Variants in RPTOR observed in about 807,000 individuals in gnomAD.
The protein encoded by RPTOR is regulatory-associated protein of mTOR.
Under a neutral mutation model 169.9 loss-of-function variants are expected in RPTOR, and 21 were observed. That is an observed-to-expected ratio of 0.12 (90% CI 0.09 to 0.18). The LOEUF (loss-of-function observed/expected upper bound fraction) is 0.18, where lower values mean the gene tolerates loss of function less well. Among genes scored for constraint, RPTOR ranks in the 10% least tolerant of loss-of-function variants. The probability of loss-of-function intolerance (pLI) is 1.00; values close to 1 mark genes in which losing one functional copy is unlikely to be tolerated. For missense variants in RPTOR, 1,133 were observed against 1,855.9 expected, an observed-to-expected ratio of 0.61 and a Z score of 7.16; for synonymous variants, 732 against 753.2, an observed-to-expected ratio of 0.97 and a Z score of 0.46.
At chr17:80,841,171 A>T (rs1343312336) in intron 10 of RPTOR, among the ~76,000 whole-genome samples, 1 of 111,012 alleles carries the variant, frequency 9.0e-6, no homozygotes, top group Non-Finnish European at 1.8e-5. Context: ...GCTCACTCTC[A>T]CCGCACGGCA....
chr17:80,635,366 A>C (rs2065497940), intron 2 of RPTOR, among the ~76,000 whole-genome samples: 1 of 152,022 alleles, frequency 6.6e-6, no homozygotes, highest in Non-Finnish European at 1.5e-5. Flanking sequence ...GCCCAGACCC[A>C]CCTTGTGGCT....
At chr17:80,567,011 C>T (rs1159463798) in intron 1 of RPTOR, among the ~76,000 whole-genome samples, 5 of 151,950 alleles carry the variant, frequency 3.3e-5, no homozygotes, top group East Asian at 1.9e-4. Flanking sequence ...CACTCCATCA[C>T]CCAGGCTGGA....
chr17:80,841,852 C>T (rs540584902), intron 10 of RPTOR, among the ~76,000 whole-genome samples: 47 of 132,912 alleles, frequency 3.5e-4, no homozygotes, highest in Non-Finnish European at 6.5e-4. Context: ...TCACACTCAC[C>T]GCACGGCAGC....
intron 2 of RPTOR, among the ~76,000 whole-genome samples, chr17:80,636,739 G>A (rs910447933): frequency 6.6e-6 from 1 of 151,816 alleles, no homozygotes; most frequent in Non-Finnish European, 1.5e-5. Flanking sequence ...CCCCAGTACC[G>A]CCACTCCAGA....
chr17:80,685,627 A>ATATATATTTT (rs1269766086), intron 3 of RPTOR, among the ~76,000 whole-genome samples: 1 of 30,686 alleles, frequency 3.3e-5, no homozygotes, highest in Non-Finnish European at 5.4e-5. Context: ...ATATATATAT[A>ATATATATTTT]TTTTTTTTTT....
At chr17:80,699,188 G>A (rs552034160) in intron 3 of RPTOR, among the ~76,000 whole-genome samples, 27 of 152,346 alleles carry the variant, frequency 1.8e-4, no homozygotes, top group Admixed American at 1.3e-3. Context: ...GAAGCTCATC[G>A]GGCTGTGTAA....
chr17:80,656,816 C>T (rs2065683143), intron 3 of RPTOR, among the ~76,000 whole-genome samples: 1 of 152,194 alleles, frequency 6.6e-6, no homozygotes, highest in Non-Finnish European at 1.5e-5. Context: ...AAGTGTTAAT[C>T]ACCCTCTAGT....
Position 80,965,626 on chromosome 17 carries a change from TGA to T in RPTOR, c.*1300_*1301del, listed in dbSNP as rs1568016986. The T allele has an allele frequency of 4.3e-6, 1 of 232,972 alleles. No homozygotes were observed. Among genetic ancestry groups the T allele is most frequent in the African/African-American group, 2.2e-5 (1 of 45,266 alleles). The allele number at this position is 232,972 out of a possible 1,614,324, so 14.4% of individuals were successfully genotyped here. A position where few individuals can be genotyped will look rare whatever the true frequency, so the allele number is the denominator to read the frequency against. On this transcript the variant is annotated 3_prime_UTR_variant, in exon 34 of 34. Transcript: ENST00000306801. ...GGTGAGAGGCCCACGACCACGGGAGTGAGAGCTGGTGTGGCGAGGCCCGGCTC... is the reference window on the plus strand; with the variant it reads ...GGTGAGAGGCCCACGACCACGGGAGTGAGCTGGTGTGGCGAGGCCCGGCTC...
At chr17:80,781,120 G>A (rs970224471) in intron 6 of RPTOR, among the ~76,000 whole-genome samples, 4 of 152,160 alleles carry the variant, frequency 2.6e-5, no homozygotes, top group African/African-American at 9.7e-5. Flanking sequence ...ACATCTAAGC[G>A]GGGAGGGTGA....
At position 80,823,391 on chromosome 17, in the gene RPTOR, G is replaced by C; in HGVS notation, c.1136+168G>C. 1.2e-6 allele frequency: 1 copy of C among 818,408 alleles called. No individual in the cohort carries two copies. The highest frequency in any genetic ancestry group is 1.8e-6 in the Non-Finnish European group (1 of 543,696). The allele number at this position is 818,408 out of a possible 1,614,324, so 50.7% of individuals were successfully genotyped here. ...CAGGGCTCCCAGAGATCTCCACACA[G>C]AGGAGTGGGGGTCTCCTTCAGAGGG... On this transcript the variant is annotated intron_variant, in intron 9 of 33. Coordinates refer to ENST00000306801, the MANE Select transcript of RPTOR (RefSeq NM_020761.3). This position sits in a 1 kb window ranked among gnomAD's most constrained non-coding sequence, Gnocchi z 4.5.
At chr17:80,701,800 T>G (rs1369303336) in intron 3 of RPTOR, among the ~76,000 whole-genome samples, 1 of 152,222 alleles carries the variant, frequency 6.6e-6, no homozygotes, top group Non-Finnish European at 1.5e-5. Flanking sequence ...CAGATGTCTA[T>G]GTCCAGCCTG....
At chr17:80,706,078 T>C (rs1289590893) in intron 3 of RPTOR, among the ~76,000 whole-genome samples, 3 of 152,204 alleles carry the variant, frequency 2.0e-5, no homozygotes. Flanking sequence ...AAAGAAAGTT[T>C]TAAAAGTTTA....
chr17:80,704,337 C>A (rs2315924), intron 3 of RPTOR, among the ~76,000 whole-genome samples: 40,374 of 152,070 alleles, frequency 0.27, 7,412 homozygotes, highest in African/African-American at 0.53. Flanking sequence ...GATCAGCCAA[C>A]ATTCAGGTAT....
intron 6 of RPTOR, among the ~76,000 whole-genome samples, chr17:80,760,299 T>TC (rs1265790972): frequency 3.8e-5 from 3 of 79,680 alleles, no homozygotes; most frequent in Non-Finnish European, 5.5e-5. Context: ...CTTTCTTTTT[T>TC]CTTTTTTCTT....
chr17:80,858,320 A>G (rs2067878689), intron 13 of RPTOR, among the ~76,000 whole-genome samples: 1 of 151,928 alleles, frequency 6.6e-6, no homozygotes, highest in Non-Finnish European at 1.5e-5. Context: ...TGTGCCCACC[A>G]TTGCATTTCT....
intron 7 of RPTOR, among the ~76,000 whole-genome samples, chr17:80,793,552 C>T (rs1342731578): frequency 3.9e-5 from 6 of 152,262 alleles, no homozygotes; most frequent in Admixed American, 1.3e-4. Flanking sequence ...GCCTTACCCA[C>T]GCCTCCATCT....
chr17:80,566,668 A>C (rs1337133159), intron 1 of RPTOR, among the ~76,000 whole-genome samples: 1 of 151,716 alleles, frequency 6.6e-6, no homozygotes, highest in Non-Finnish European at 1.5e-5. Flanking sequence ...AAAATACAAA[A>C]AAAAAATTAG....
chr17:80,895,329 C>A lies in RPTOR; in HGVS notation c.2401+1464C>A, dbSNP rs145890296. ...CCAGAAGCCTCCCCAGCCCCACGCC[C>A]CACCTGGAATCAGGCTTCCCCAGCT... On this transcript the variant is annotated intron_variant, in intron 20 of 33. Transcript: ENST00000306801. Among the ~76,000 whole-genome samples, 477 of 152,334 alleles carry A rather than the reference C, an allele frequency of 3.1e-3. 2 individuals are homozygous for A. The highest frequency in any genetic ancestry group is 0.011 in the African/African-American group (454 of 41,576).
chr17:80,623,524 A>G lies in RPTOR; in HGVS notation c.163-2167A>G, dbSNP rs944563344. On this transcript the variant is annotated intron_variant, in intron 1 of 33. Transcript: ENST00000306801. ...GAGATACCTATCACCTTAAATATTT[A>G]TCGTTTTCTTTTTTCTTTTTATTTT... Among the ~76,000 whole-genome samples the G allele has an allele frequency of 5.9e-5, 9 of 152,230 alleles. No homozygotes were observed. In the South Asian group the frequency reaches 1.0e-3, roughly 18 times the overall value.
Sources: allele counts gnomAD v4.1 joint callset (sites outside exome capture counted in the v4.1 genomes callset), GRCh38; gene constraint gnomAD v4.1.1; non-coding constraint Gnocchi (gnomAD v3.1); transcripts MANE v1.5; gene names NCBI Gene and HGNC (gene_info 2026-07-23, HGNC 2026-07-21).